PFKFB3: variants seen among roughly 807,000 people sequenced by gnomAD.
PFKFB3 encodes 6-phosphofructo-2-kinase/fructose-2,6-biphosphatase 3.
PFKFB3 carries 33 observed loss-of-function variants against 68.0 expected under a neutral mutation model. The observed-to-expected ratio is 0.49, with a 90% CI of 0.37 to 0.65. The LOEUF (loss-of-function observed/expected upper bound fraction) is 0.65. Among genes scored for constraint, PFKFB3 ranks in the 30% least tolerant of loss-of-function variants. The probability of loss-of-function intolerance (pLI) is 0.00; values close to 1 mark genes in which losing one functional copy is unlikely to be tolerated. For missense variants in PFKFB3, 586 were observed against 712.2 expected (o/e 0.82, Z 2.02); for synonymous variants, 315 against 288.2 (o/e 1.09, Z -0.94).
intron 6 of PFKFB3, 149 bp downstream of exon 6, chr10:6,217,340 A>T: frequency 1.4e-6 from 1 of 733,128 alleles, no homozygotes; most frequent in South Asian, 1.6e-5. Flanking sequence ...TTGGGAGGTC[A>T]GACCTACAGA....
the PFKFB3 span, among the ~76,000 whole-genome samples, chr10:6,320,581 C>T: frequency 1.3e-5 from 2 of 152,068 alleles, no homozygotes; most frequent in African/African-American, 4.8e-5. Flanking sequence ...CACCATCATG[C>T]CTGGCTAATT....
intron 1 of PFKFB3, among the ~76,000 whole-genome samples, chr10:6,180,168 C>T (rs978545613): frequency 6.6e-6 from 1 of 151,686 alleles, no homozygotes; most frequent in Non-Finnish European, 1.5e-5. Flanking sequence ...ATAGTGAGAC[C>T]CTGTCTCTAA....
At position 6,171,699 on chromosome 10, in the gene PFKFB3, T is replaced by A. The variant is rs376174185; in HGVS notation, c.16+26686T>A. ...TGAGCCACCACTGCTGGCCTAGATA[T>A]CTATTTTTTATATGAAATTTCTATC... On this transcript the variant is annotated intron_variant, in intron 1 of 14. Coordinates refer to the PFKFB3 transcript ENST00000379789. 5.9e-5 allele frequency among the ~76,000 whole-genome samples: 9 copies of A among 152,368 alleles called. No homozygotes were observed. In the East Asian group the frequency reaches 1.7e-3, roughly 29 times the overall value.
At chr10:6,147,732 G>C (rs148201686) in intron 1 of PFKFB3, among the ~76,000 whole-genome samples, 1 of 150,892 alleles carries the variant, frequency 6.6e-6, no homozygotes, top group Non-Finnish European at 1.5e-5. Flanking sequence ...CTGATCTCAT[G>C]GCTTTGGCAG....
intron 1 of PFKFB3, 43 bp from the exon 2 acceptor site, chr10:6,213,580 G>C: frequency 1.3e-6 from 2 of 1,585,572 alleles, no homozygotes; most frequent in Non-Finnish European, 1.7e-6. Flanking sequence ...CCTCTTCTCC[G>C]GTCACTTGGT....
At chr10:6,192,366 C>CTT (rs149846128) in intron 1 of PFKFB3, among the ~76,000 whole-genome samples, 10 of 113,062 alleles carry the variant, frequency 8.8e-5, no homozygotes, top group Admixed American at 3.0e-4. Flanking sequence ...TTTCTTTCTT[C>CTT]TTTTTTTTTT....
At chr10:6,175,073 C>T (rs576460825) in intron 1 of PFKFB3, among the ~76,000 whole-genome samples, 2 of 152,288 alleles carry the variant, frequency 1.3e-5, no homozygotes, top group Admixed American at 6.5e-5. Context: ...GTCTGCCTCC[C>T]ACAGTGCTGG....
the PFKFB3 span, among the ~76,000 whole-genome samples, chr10:6,315,486 T>G: frequency 2.6e-5 from 4 of 152,146 alleles, no homozygotes; most frequent in African/African-American, 9.7e-5. Context: ...AGTATTTTCT[T>G]TTTTTCTTTT....
the PFKFB3 span, among the ~76,000 whole-genome samples, chr10:6,307,361 A>G: frequency 7.8e-5 from 9 of 115,598 alleles, 1 homozygote; most frequent in East Asian, 2.2e-3. Flanking sequence ...ACACACACAC[A>G]CACACACTCA....
intron 10 of PFKFB3, chr10:6,222,654 T>G (rs1040113108): frequency 2.6e-5 from 12 of 466,236 alleles, no homozygotes; most frequent in African/African-American, 2.3e-4. Flanking sequence ...GGTTCCCCCG[T>G]GTGGGAGCGG....
rs1842001242 is a variant in PFKFB3 at position 6,162,597 on chromosome 10, T to G, written c.16+17584T>G. On this transcript the variant is annotated intron_variant, in intron 1 of 14. Transcript: ENST00000379789. Reference sequence around the variant, plus strand: ...GCTTTAATTTCATCATCATTATTAATAGTAGTAATAGTACCAATGTGGACT... The same window carrying G: ...GCTTTAATTTCATCATCATTATTAAGAGTAGTAATAGTACCAATGTGGACT... 2.0e-5 allele frequency among the ~76,000 whole-genome samples: 3 copies of G among 152,236 alleles called. 1 individual carries two copies. The South Asian group carries it at 6.2e-4, about 32-fold the overall frequency.
At chr10:6,242,036 G>C (rs1207350918) in intron 14 of PFKFB3, among the ~76,000 whole-genome samples, 2 of 151,952 alleles carry the variant, frequency 1.3e-5, no homozygotes, top group East Asian at 3.9e-4. Flanking sequence ...TTGTGGAGTT[G>C]GGTGTCACTA....
Position 6,228,138 on chromosome 10 carries a change from T to C in PFKFB3, c.1515+1773T>C. 2 of 1,605,424 alleles carry C rather than the reference T, an allele frequency of 1.2e-6. No homozygotes were observed. Among genetic ancestry groups the C allele is most frequent in the South Asian group, 2.2e-5 (2 of 90,940 alleles). On this transcript the variant is annotated intron_variant, in intron 14 of 14. Coordinates refer to ENST00000379775, the MANE Select transcript of PFKFB3 (RefSeq NM_004566.4). This position sits in a 1 kb window ranked among gnomAD's most constrained non-coding sequence, Gnocchi z 4.5. ...CGGCGTGGGGTTTTTCAGGGCTTCG[T>C]CCCTGCAGATTGCGCCCTGCCTCCT...
rs1843429882 is a variant in PFKFB3, at chr10:6,202,952, G to A, written c.-309G>A. 2 of 1,257,324 alleles carry A rather than the reference G, an allele frequency of 1.6e-6. No individual in the cohort carries two copies. The highest frequency in any genetic ancestry group is 2.0e-6 in the Non-Finnish European group (2 of 998,862). The allele number at this position is 1,257,324 out of a possible 1,614,324, so 77.9% of individuals were successfully genotyped here. ...ATCCCAGCCAAGCCGGAGAGGAGGC[G>A]AGCAGCAGGGCCTGGTGGCGAGAGC... On this transcript the variant is annotated 5_prime_UTR_variant, in exon 1 of 15. Coordinates refer to ENST00000379775, the MANE Select transcript of PFKFB3 (RefSeq NM_004566.4).
At chr10:6,292,961 C>T in the PFKFB3 span, 1 of 197,234 alleles carries the variant, frequency 5.1e-6, no homozygotes, top group Admixed American at 6.0e-5. Context: ...AGATTCCCAG[C>T]CATAATGTGA....
At chr10:6,318,741 A>G in the PFKFB3 span, among the ~76,000 whole-genome samples, 2 of 152,218 alleles carry the variant, frequency 1.3e-5, no homozygotes, top group Non-Finnish European at 2.9e-5. Context: ...CACTTTGTGT[A>G]AAGGGGAAAA....
the PFKFB3 span, among the ~76,000 whole-genome samples, chr10:6,263,805 C>T: frequency 1.3e-5 from 2 of 152,208 alleles, no homozygotes; most frequent in Non-Finnish European, 2.9e-5. Context: ...CGTGCCTTGG[C>T]CTCCCAAGTA....
intron 1 of PFKFB3, among the ~76,000 whole-genome samples, chr10:6,183,310 G>C (rs1400751992): frequency 1.3e-5 from 2 of 152,136 alleles, no homozygotes; most frequent in Non-Finnish European, 2.9e-5. Flanking sequence ...CTAGAATCTA[G>C]ACTATTTTTT....
intron 1 of PFKFB3, chr10:6,146,261 G>C (rs1396991338): frequency 6.8e-7 from 1 of 1,463,492 alleles, no homozygotes; most frequent in Admixed American, 2.3e-5. Context: ...GTGATGCTAC[G>C]GTTGCCTGGA....
Sources: gnomAD v4.1 joint callset for allele counts (sites outside exome capture counted in the v4.1 genomes callset) on GRCh38, gnomAD v4.1.1 for gene constraint, Gnocchi (gnomAD v3.1) non-coding constraint, MANE v1.5 for transcripts, NCBI Gene and HGNC (gene_info 2026-07-23, HGNC 2026-07-21) for gene names.